Variants in CAMK1D observed in about 807,000 individuals in gnomAD.
CAMK1D encodes the protein calcium/calmodulin-dependent protein kinase type 1D.
CAMK1D carries 9 observed loss-of-function variants against 47.7 expected under a neutral mutation model. The observed-to-expected ratio is 0.19, with a 90% confidence interval of 0.11 to 0.33. CAMK1D has a LOEUF of 0.33. Among genes scored for constraint, CAMK1D ranks in the 10% least tolerant of loss-of-function variants. The probability of loss-of-function intolerance (pLI) is 1.00; values close to 1 mark genes in which losing one functional copy is unlikely to be tolerated. For synonymous variants in CAMK1D, 184 were observed against 184.9 expected (o/e 0.99, Z 0.04); for missense variants, 291 against 488.7 (o/e 0.60, Z 3.81).
intron 1 of CAMK1D, among the ~76,000 whole-genome samples, chr10:12,493,419 C>T (rs746858715): frequency 3.3e-5 from 5 of 152,144 alleles, no homozygotes; most frequent in Admixed American, 6.5e-5. Context: ...ATGTCTGAAA[C>T]GTCAGATGGA....
rs1019627642 is a variant in CAMK1D at position 12,796,896 on chromosome 10, G to A, written c.641+5663G>A. 1.3e-3 allele frequency among the ~76,000 whole-genome samples: 195 copies of A among 150,952 alleles called. 3 individuals carry two copies. The highest frequency in any genetic ancestry group is 4.5e-3 in the African/African-American group (186 of 41,228). ...ATTCACAGTAACTAGACTCAGAGGAGAAAAAAAAAGACTGGACTGTCCACT... is the reference window on the plus strand; with the variant it reads ...ATTCACAGTAACTAGACTCAGAGGAAAAAAAAAAAGACTGGACTGTCCACT... On this transcript the variant is annotated intron_variant, in intron 6 of 10. Transcript: ENST00000619168.
At chr10:12,652,534 GCAGAGAGTGCACCAC>G in intron 2 of CAMK1D, among the ~76,000 whole-genome samples, 1 of 152,064 alleles carries the variant, frequency 6.6e-6, no homozygotes, top group East Asian at 1.9e-4. Context: ...CTTGCAGTGA[GCAGAGAGTGCACCAC>G]TGCACTCCAG....
intron 2 of CAMK1D, among the ~76,000 whole-genome samples, chr10:12,662,509 G>A (rs947062631): frequency 2.0e-5 from 3 of 152,076 alleles, no homozygotes; most frequent in Admixed American, 1.3e-4. Context: ...AAAATCAGCC[G>A]GGCATGGTGG....
At position 12,349,738 on chromosome 10, in the gene CAMK1D, C is replaced by A. The variant is rs1395850602; in HGVS notation, c.-81C>A. The A allele has an allele frequency of 6.9e-5, 27 of 392,158 alleles. No homozygotes were observed. Among genetic ancestry groups the A allele is most frequent in the Admixed American group, 1.9e-4 (3 of 15,956 alleles). The allele number at this position is 392,158 out of a possible 1,614,324, so 24.3% of individuals were successfully genotyped here. A position where few individuals can be genotyped will look rare whatever the true frequency, so the allele number is the denominator to read the frequency against. On this transcript the variant is annotated 5_prime_UTR_variant, in exon 1 of 11. Coordinates refer to ENST00000619168, the MANE Select transcript of CAMK1D (RefSeq NM_153498.4). Reference sequence around the variant, plus strand: ...AGCCCGAGCCGCCCGGCATCCCCGCCGCCTCTGCGCCCGCGCCGCGCCCCC... The same window carrying A: ...AGCCCGAGCCGCCCGGCATCCCCGCAGCCTCTGCGCCCGCGCCGCGCCCCC...
At chr10:12,569,480 G>A (rs1265344258) in intron 2 of CAMK1D, among the ~76,000 whole-genome samples, 2 of 151,728 alleles carry the variant, frequency 1.3e-5, no homozygotes, top group South Asian at 2.1e-4. Context: ...GGAGGCCGAG[G>A]CAGGCAGATC....
At chr10:12,753,751 T>C (rs867605543) in intron 3 of CAMK1D, among the ~76,000 whole-genome samples, 32 of 152,230 alleles carry the variant, frequency 2.1e-4, no homozygotes, top group African/African-American at 7.2e-4. Context: ...AACCCTTCTC[T>C]CATGGCCTGT....
intron 2 of CAMK1D, among the ~76,000 whole-genome samples, chr10:12,556,180 G>A (rs1836755601): frequency 6.6e-6 from 1 of 152,170 alleles, no homozygotes; most frequent in South Asian, 2.1e-4. Flanking sequence ...TACATATGGA[G>A]TAAGAGGCAG....
At chr10:12,429,380 C>T (rs1840364002) in intron 1 of CAMK1D, among the ~76,000 whole-genome samples, 3 of 152,150 alleles carry the variant, frequency 2.0e-5, no homozygotes, top group South Asian at 4.1e-4. Flanking sequence ...CGCTTTGTCA[C>T]CCAGGCTGGA....
At chr10:12,724,033 G>A (rs1174976560) in intron 3 of CAMK1D, among the ~76,000 whole-genome samples, 2 of 152,180 alleles carry the variant, frequency 1.3e-5, no homozygotes, top group Non-Finnish European at 2.9e-5. Flanking sequence ...CTGTCGCACA[G>A]GCTGGAGTGC....
chr10:12,404,852 C>G (rs1288071583), intron 1 of CAMK1D, among the ~76,000 whole-genome samples: 1 of 151,870 alleles, frequency 6.6e-6, no homozygotes, highest in Non-Finnish European at 1.5e-5. Context: ...CCACACCTGG[C>G]TAATTTTTGT....
intron 1 of CAMK1D, among the ~76,000 whole-genome samples, chr10:12,500,389 A>G (rs749728590): frequency 2.6e-5 from 4 of 152,214 alleles, no homozygotes; most frequent in Non-Finnish European, 5.9e-5. Flanking sequence ...ACCTCTTCTT[A>G]GACCTCACTG....
chr10:12,822,682 G>A lies in CAMK1D; in HGVS notation c.834-1783G>A, dbSNP rs111312233. ...CGTTTCTAAGAAAGAGCTGGCCGCTGCAAGCTTGGACTGGCATCCTTTTCT... is the reference window on the plus strand; with the variant it reads ...CGTTTCTAAGAAAGAGCTGGCCGCTACAAGCTTGGACTGGCATCCTTTTCT... On this transcript the variant is annotated intron_variant, in intron 8 of 10. Coordinates refer to ENST00000619168, the MANE Select transcript of CAMK1D (RefSeq NM_153498.4). Among the ~76,000 whole-genome samples the A allele has an allele frequency of 9.4e-3, 1,425 of 152,336 alleles. 20 individuals carry two copies. Among genetic ancestry groups the A allele is most frequent in the African/African-American group, 0.033 (1,358 of 41,568 alleles).
Position 12,599,070 on chromosome 10 carries a change from G to A in CAMK1D, c.224+45714G>A, listed in dbSNP as rs540277369. On this transcript the variant is annotated intron_variant, in intron 2 of 10. Transcript: ENST00000619168. Reference sequence around the variant, plus strand: ...GCCCATGATTTAGGAAAGGCCTTAGGTGTTTCTGGGAATTGTATGTTCATA... The same window carrying A: ...GCCCATGATTTAGGAAAGGCCTTAGATGTTTCTGGGAATTGTATGTTCATA... Among the ~76,000 whole-genome samples the A allele has an allele frequency of 2.6e-5, 4 of 152,258 alleles. No individual in the cohort carries two copies. The South Asian group carries it at 8.3e-4, about 32-fold the overall frequency.
intron 1 of CAMK1D, among the ~76,000 whole-genome samples, chr10:12,417,062 C>T (rs2768371): frequency 1.3e-5 from 2 of 151,936 alleles, no homozygotes; most frequent in African/African-American, 4.8e-5. Context: ...CGAAGCCTCT[C>T]TGTCCTCATC....
At chr10:12,737,487 C>T (rs1024260078) in intron 3 of CAMK1D, among the ~76,000 whole-genome samples, 1 of 152,152 alleles carries the variant, frequency 6.6e-6, no homozygotes, top group Non-Finnish European at 1.5e-5. Context: ...TCCCCAGACC[C>T]CTGCCCTCTT....
intron 2 of CAMK1D, among the ~76,000 whole-genome samples, chr10:12,619,316 G>T (rs1018860114): frequency 8.6e-5 from 13 of 151,804 alleles, no homozygotes; most frequent in Non-Finnish European, 1.9e-4. Flanking sequence ...TTTGAGACGG[G>T]GTCTTGCTCT....
chr10:12,371,163 G>A (rs571014170), intron 1 of CAMK1D, among the ~76,000 whole-genome samples: 2 of 152,150 alleles, frequency 1.3e-5, no homozygotes, highest in African/African-American at 4.8e-5. Flanking sequence ...GTAGAGTAAT[G>A]CTCTAGGCCT....
At chr10:12,399,166 G>C (rs1588442638) in intron 1 of CAMK1D, among the ~76,000 whole-genome samples, 2 of 152,178 alleles carry the variant, frequency 1.3e-5, no homozygotes, top group Admixed American at 6.5e-5. Context: ...GAGGCTTACT[G>C]GTGTGAGGGA....
chr10:12,555,677 T>C (rs1310618893), intron 2 of CAMK1D, among the ~76,000 whole-genome samples: 2 of 152,208 alleles, frequency 1.3e-5, no homozygotes, highest in South Asian at 2.1e-4. Context: ...ATTACAGATA[T>C]TTGACATTGT....
Sources: gnomAD v4.1 joint callset for allele counts (sites outside exome capture counted in the v4.1 genomes callset) on GRCh38, gnomAD v4.1.1 for gene constraint, MANE v1.5 for transcripts, NCBI Gene and HGNC (gene_info 2026-07-23, HGNC 2026-07-21) for gene names.